ZAN: variants seen among roughly 807,000 people sequenced by gnomAD.
ZAN encodes zonadhesin (gene/pseudogene).
In ZAN, 260 loss-of-function variants were observed where a neutral mutation model predicts 286.2. The observed-to-expected ratio is 0.91, with a 90% CI of 0.82 to 1.01. ZAN has a LOEUF of 1.01. ZAN is among the 50% of genes least tolerant of loss of function. The pLI is 0.00. For missense variants in ZAN, 3,410 were observed against 3,639.2 expected, an observed-to-expected ratio of 0.94 and a Z score of 1.62; for synonymous variants, 1,368 against 1,417.5, an observed-to-expected ratio of 0.97 and a Z score of 0.79.
intron 25 of ZAN, 148 bp downstream of exon 25, chr7:100,767,405 C>A (rs1810062296): frequency 1.8e-6 from 2 of 1,139,122 alleles, no homozygotes; most frequent in Non-Finnish European, 2.4e-6. Flanking sequence ...CTTCTCTGGA[C>A]TCCCTCCTCC....
chr7:100,788,397 T>C (rs1811717604), intron 38 of ZAN, among the ~76,000 whole-genome samples: 1 of 151,724 alleles, frequency 6.6e-6, no homozygotes, highest in South Asian at 2.1e-4. Flanking sequence ...TGCAAAAAAT[T>C]TAAAATGAGC....
rs760908983 is a variant in ZAN at position 100,771,870 on chromosome 7, G to T, written c.5275G>T (p.Val1759Leu). Residue 1759 changes from valine to leucine, a missense_variant, in exon 29 of 48, where the codon GTG becomes TTG. Physicochemically the swap from Val to Leu is conservative, Grantham distance 32. This residue lies in a region of ZAN where 27 missense variants were observed against 58.7 expected (regional missense o/e 0.46). Coordinates refer to ENST00000613979, the MANE Select transcript of ZAN (RefSeq NM_003386.3). ...ACCCTTCTCTCAATGTCACCAGGTG[G>T]TGCCTCCCCAGTCCAGCTTTGCCAG... ...QGPFSQCHQV[V>L]PPQSSFASCV... is the part of the protein sequence containing the mutation. 1.5e-5 allele frequency: 24 copies of T among 1,612,754 alleles called. No homozygotes were observed. The highest frequency in any genetic ancestry group is 1.4e-5 in the Non-Finnish European group (16 of 1,179,574).
intron 18 of ZAN, among the ~76,000 whole-genome samples, chr7:100,760,066 T>C (rs570826930): frequency 1.0e-3 from 159 of 152,110 alleles, no homozygotes; most frequent in Non-Finnish European, 2.0e-3. Flanking sequence ...TAGAAAAAAT[T>C]AGCCTGGTGT....
In ZAN at chr7:100,788,099, G is replaced by A. The variant is rs1348512328; in HGVS notation, c.7190G>A (p.Gly2397Asp). Reference sequence around the variant, plus strand: ...CAGGAAGTGATTACCACCGTCTACGGCTATAAAGTGCAGCTCCAAGCTGGT... The same window carrying A: ...CAGGAAGTGATTACCACCGTCTACGACTATAAAGTGCAGCTCCAAGCTGGT... Reference protein sequence around the residue: ...FLQEVITTVYGYKVQLQAGLE... With the variant: ...FLQEVITTVYDYKVQLQAGLE... Residue 2397 changes from glycine (G) to aspartate (D), a missense_variant, in exon 38 of 48, where the codon GGC becomes GAC. Transcript: ENST00000613979. 6.4e-7 allele frequency: 1 copy of A among 1,555,486 alleles called. No homozygotes were observed. The highest frequency in any genetic ancestry group is 1.2e-5 in the South Asian group (1 of 82,788).
intron 44 of ZAN, 101 bp from the exon 45 acceptor site, chr7:100,795,095 C>A: frequency 7.0e-7 from 1 of 1,436,190 alleles, no homozygotes; most frequent in Non-Finnish European, 9.3e-7. Context: ...CTCTGGCAGC[C>A]GCTGCTTTCT....
intron 15 of ZAN, among the ~76,000 whole-genome samples, chr7:100,755,701 AG>A (rs1383212702): frequency 6.6e-6 from 1 of 151,850 alleles, no homozygotes; most frequent in African/African-American, 2.4e-5. Context: ...CCTCCCAAGT[AG>A]CTGGGACTGC....
At position 100,751,931 on chromosome 7, in the gene ZAN, C is replaced by T; in HGVS notation, c.1826C>T (p.Ser609Leu). 1 of 1,613,028 alleles carries T rather than the reference C, an allele frequency of 6.2e-7. No individual in the cohort carries two copies. The highest frequency in any genetic ancestry group is 8.5e-7 in the Non-Finnish European group (1 of 1,179,610). ...TCCACAGAAAAACCCACCATTCCTTCAGAAAAACCCAACATGCCCTCAGAA... is the reference window on the plus strand; with the variant it reads ...TCCACAGAAAAACCCACCATTCCTTTAGAAAAACCCAACATGCCCTCAGAA... ...TISTEKPTIP[S>L]EKPNMPSEKP... The change falls in exon 14 of 48, where the codon TCA becomes TTA. Residue 609 changes from serine (S) to leucine (L), a missense_variant. Coordinates refer to ENST00000613979, the MANE Select transcript of ZAN (RefSeq NM_003386.3).
At position 100,751,986 on chromosome 7, in the gene ZAN, C is replaced by A. The variant is rs1339923609; in HGVS notation, c.1881C>A (p.Thr627=). Residue 627 remains threonine, a synonymous_variant, in exon 14 of 48, where the codon ACC becomes ACA. Coordinates refer to ENST00000613979, the MANE Select transcript of ZAN (RefSeq NM_003386.3). ...CCACCATTCCCTCAGAAAAACCCAC[C>A]ATCCTCACAGAAAAACCCACCATTC... ...EKPTIPSEKP[T]ILTEKPTIPS... 6.2e-7 allele frequency: 1 copy of A among 1,612,828 alleles called. No individual in the cohort carries two copies. The highest frequency in any genetic ancestry group is 8.5e-7 in the Non-Finnish European group (1 of 1,179,574).
chr7:100,747,657 G>A lies in ZAN; in HGVS notation c.1023+16G>A, dbSNP rs757318120. 6.2e-7 allele frequency: 1 copy of A among 1,611,072 alleles called. No individual in the cohort carries two copies. Among genetic ancestry groups the A allele is most frequent in the Non-Finnish European group, 8.5e-7 (1 of 1,177,460 alleles). On this transcript the variant is annotated intron_variant, in intron 9 of 47. Coordinates refer to ENST00000613979, the MANE Select transcript of ZAN (RefSeq NM_003386.3). ...ACGGATACAGGTACAGAGAAGCAAGGGGTCAGGTCCTTGCACATGGTAGGC... is the reference window on the plus strand; with the variant it reads ...ACGGATACAGGTACAGAGAAGCAAGAGGTCAGGTCCTTGCACATGGTAGGC...
chr7:100,789,123 T>G, intron 38 of ZAN, 95 bp from the exon 39 acceptor site: 1 of 1,504,990 alleles, frequency 6.6e-7, no homozygotes, highest in Non-Finnish European at 8.9e-7. Context: ...CACGGAGACA[T>G]ATGGAGATGA....
In ZAN at chr7:100,762,348, G is replaced by C. The variant is rs377322327; in HGVS notation, c.3976G>C (p.Glu1326Gln). ...GAACAGCTGGCAGACGGACCAGGAC[G>C]AGGACCAGGAGTGAGCAAGGAGCCC... ...LGNSWQTDQD[E>Q]DQECQKYQVV... is the part of the protein sequence containing the mutation. Residue 1326 changes from glutamate to glutamine, a missense_variant, in exon 20 of 48, where the codon GAG becomes CAG. By Grantham distance (29) the Glu-to-Gln change is conservative (BLOSUM62 2). Coordinates refer to ENST00000613979, the MANE Select transcript of ZAN (RefSeq NM_003386.3). The C allele has an allele frequency of 1.9e-6, 3 of 1,610,128 alleles. No individual in the cohort carries two copies. The highest frequency in any genetic ancestry group is 2.5e-6 in the Non-Finnish European group (3 of 1,177,702).
intron 35 of ZAN, among the ~76,000 whole-genome samples, chr7:100,780,818 A>G (rs1270172371): frequency 6.6e-6 from 1 of 151,954 alleles, no homozygotes; most frequent in Non-Finnish European, 1.5e-5. Flanking sequence ...GGCTGGGTGC[A>G]GTGACTGACA....
chr7:100,776,807 A>G (rs1435262468), intron 34 of ZAN, among the ~76,000 whole-genome samples: 6 of 123,100 alleles, frequency 4.9e-5, no homozygotes, highest in African/African-American at 1.2e-4. Context: ...ATCTCGGCTC[A>G]CTGCAAGCTC....
intron 42 of ZAN, 38 bp downstream of exon 42, chr7:100,792,517 G>A (rs1353642988): frequency 1.2e-6 from 2 of 1,612,066 alleles, no homozygotes; most frequent in Non-Finnish European, 1.7e-6. Flanking sequence ...CGCTGCCCTG[G>A]CTGGCTGGCG....
At chr7:100,774,804 G>C (rs138864439) in intron 31 of ZAN, among the ~76,000 whole-genome samples, 8 of 151,374 alleles carry the variant, frequency 5.3e-5, no homozygotes, top group Non-Finnish European at 7.4e-5. Context: ...TTCCAGCCTG[G>C]GTGACAGAGA....
At chr7:100,743,127 G>A (rs982763615) in intron 7 of ZAN, among the ~76,000 whole-genome samples, 2 of 150,044 alleles carry the variant, frequency 1.3e-5, no homozygotes, top group East Asian at 2.0e-4. Flanking sequence ...GGGTTCAAGC[G>A]ATTCTCCTGC....
chr7:100,782,403 A>C (rs1244844510), intron 35 of ZAN, among the ~76,000 whole-genome samples: 1 of 152,170 alleles, frequency 6.6e-6, no homozygotes, highest in African/African-American at 2.4e-5. Context: ...ATCCCGGATC[A>C]CTGCAACCTC....
At position 100,762,207 on chromosome 7, in the gene ZAN, TCC is replaced by T. The variant is rs1173517935; in HGVS notation, c.3843-5_3843-4del. 1.9e-6 allele frequency: 3 copies of T among 1,612,460 alleles called. No homozygotes were observed. ...CCATTAACGCCAGCTCCTCTCCTGT[TCC>T]CCTAGCACATACTCTGGCAAACTCT... On this transcript the variant is annotated splice_region_variant and splice_polypyrimidine_tract_variant and intron_variant, in intron 19 of 47. Transcript: ENST00000613979.
rs1234061637 is a variant in ZAN, at chr7:100,765,421, G to A, written c.4337G>A (p.Gly1446Glu). 1 of 1,613,990 alleles carries A rather than the reference G, an allele frequency of 6.2e-7. No homozygotes were observed. The highest frequency in any genetic ancestry group is 1.1e-5 in the South Asian group (1 of 91,076). Reference sequence around the variant, plus strand: ...CCATGCCCTGACACCTGCCATTCAGGATTCTCCGGCATGTTCTGCTCAGAC... The same window carrying A: ...CCATGCCCTGACACCTGCCATTCAGAATTCTCCGGCATGTTCTGCTCAGAC... ...AKPCPDTCHS[G>E]FSGMFCSDRC... The change falls in exon 23 of 48, where the codon GGA becomes GAA. Residue 1446 changes from glycine (G) to glutamate (E), a missense_variant. This residue lies in a region of ZAN where 1,042 missense variants were observed against 1,058.0 expected (regional missense o/e 0.98). Transcript: ENST00000613979.
Sources: gnomAD v4.1 joint callset for allele counts (sites outside exome capture counted in the v4.1 genomes callset) on GRCh38, gnomAD v4.1.1 for gene constraint, gnomAD v4.1.1 regional missense constraint, MANE v1.5 for transcripts, NCBI Gene and HGNC (gene_info 2026-07-23, HGNC 2026-07-21) for gene names.